The following ARMH4 variants were observed in gnomAD, a reference collection of about 807,000 sequenced individuals.
The protein encoded by ARMH4 is armadillo like helical domain containing 4, also known as armadillo-like helical domain-containing protein 4.
In ARMH4, 49 loss-of-function variants were observed where a neutral mutation model predicts 61.9. The ratio of observed to expected loss-of-function variants is 0.79; its 90% confidence interval spans 0.63 to 1.00. The LOEUF (loss-of-function observed/expected upper bound fraction) is 1.00, where lower values mean the gene tolerates loss of function less well. Ranked by LOEUF, ARMH4 falls within the 50% of genes least tolerant of loss-of-function variation. The pLI, the probability that ARMH4 is intolerant of heterozygous loss-of-function variation, is 0.00. For missense variants in ARMH4, 934 were observed against 930.0 expected, an observed-to-expected ratio of 1.00 and a Z score of -0.06; for synonymous variants, 368 against 341.5, an observed-to-expected ratio of 1.08 and a Z score of -0.85.
chr14:58,148,723 T>C (rs1271827659), intron 1 of ARMH4, among the ~76,000 whole-genome samples: 18 of 152,182 alleles, frequency 1.2e-4, no homozygotes, highest in Non-Finnish European at 1.5e-5. Context: ...GGTCTAACCA[T>C]GTCTACTTGT....
intron 5 of ARMH4, among the ~76,000 whole-genome samples, chr14:58,019,264 A>G (rs1030417311): frequency 1.3e-5 from 2 of 152,202 alleles, no homozygotes; most frequent in African/African-American, 4.8e-5. Context: ...TCTTACCACA[A>G]AAATGCTAAG....
In ARMH4 at chr14:58,133,124, G is replaced by C; in HGVS notation, c.1587C>G (p.Val529=). 6.2e-7 allele frequency: 1 copy of C among 1,614,196 alleles called. No individual in the cohort carries two copies. Among genetic ancestry groups the C allele is most frequent in the Non-Finnish European group, 8.5e-7 (1 of 1,180,048 alleles). Residue 529 remains valine, a synonymous_variant, in exon 3 of 8, where the codon GTC becomes GTG. Transcript: ENST00000267485. ...PLATTISTTV[V]PLSFEVTPTV... ...TGGGAGTAACTTCAAAAGACAAAGG[G>C]ACGACTGTAGTTGAAATTGTAGTGG...
intron 5 of ARMH4, among the ~76,000 whole-genome samples, chr14:58,047,875 AGCAT>A (rs1375236554): frequency 6.6e-6 from 1 of 152,170 alleles, no homozygotes; most frequent in Non-Finnish European, 1.5e-5. Flanking sequence ...CCACCAAATA[AGCAT>A]CCACCCAGAA....
intron 1 of ARMH4, among the ~76,000 whole-genome samples, chr14:58,143,072 T>C (rs1158732539): frequency 6.6e-6 from 1 of 152,210 alleles, no homozygotes; most frequent in Non-Finnish European, 1.5e-5. Context: ...TTGAAAGACT[T>C]TGTGCCATAA....
intron 4 of ARMH4, among the ~76,000 whole-genome samples, chr14:58,108,051 T>C (rs1886225549): frequency 6.8e-6 from 1 of 147,086 alleles, no homozygotes; most frequent in African/African-American, 2.7e-5. Flanking sequence ...TATTTCCAGA[T>C]TTTTTTTACC....
intron 5 of ARMH4, among the ~76,000 whole-genome samples, chr14:58,047,731 G>A (rs1346335206): frequency 2.0e-5 from 3 of 152,190 alleles, no homozygotes; most frequent in Non-Finnish European, 4.4e-5. Context: ...GTAAGAATCT[G>A]AGGCAATGAA....
intron 5 of ARMH4, among the ~76,000 whole-genome samples, chr14:58,047,309 GT>G (rs1216756464): frequency 6.6e-6 from 1 of 152,170 alleles, no homozygotes. Flanking sequence ...CACAGTAAAC[GT>G]TTGGATCCCC....
At chr14:58,120,284 C>A (rs1886682099) in intron 4 of ARMH4, among the ~76,000 whole-genome samples, 1 of 151,684 alleles carries the variant, frequency 6.6e-6, no homozygotes, top group African/African-American at 2.4e-5. Flanking sequence ...TGTTGTTGAC[C>A]AAAACTTCAT....
At position 58,133,096 on chromosome 14, in the gene ARMH4, CA is replaced by C. The variant is rs1566596354; in HGVS notation, c.1614del (p.Val539TrpfsTer23). The C allele has an allele frequency of 6.2e-7, 1 of 1,614,182 alleles. No individual in the cohort carries two copies. The highest frequency in any genetic ancestry group is 8.5e-7 in the Non-Finnish European group (1 of 1,180,034). The stretch of plus-strand genomic sequence containing the variant: ...AATATCCTCCCTTACAGACCTTCCA[CA>C]GTGGGAGTAACTTCAAAAGACAAAG... Reference protein sequence around the residue: ...VVPLSFEVTPTVEEQMDTVTG... With the variant: ...VVPLSFEVTPXVEEQMDTVTG... On this transcript the variant is annotated frameshift_variant, in exon 3 of 8. Coordinates refer to ENST00000267485, the MANE Select transcript of ARMH4 (RefSeq NM_001001872.4). LOFTEE classifies it high-confidence loss of function.
rs954720083 is a variant in ARMH4, at chr14:58,139,018, G to C, written c.341C>G (p.Pro114Arg). The C allele has an allele frequency of 6.2e-7, 1 of 1,614,110 alleles. No individual in the cohort carries two copies. Among genetic ancestry groups the C allele is most frequent in the Non-Finnish European group, 8.5e-7 (1 of 1,180,056 alleles). ...MQTERPGVSTPTESGVPSAEE... is the reference protein window; with the variant it reads ...MQTERPGVSTRTESGVPSAEE... ...AGCTGAGGGGACACCTGACTCAGTAGGTGTGGAAACACCAGGGCGTTCTGT... is the reference window on the plus strand; with the variant it reads ...AGCTGAGGGGACACCTGACTCAGTACGTGTGGAAACACCAGGGCGTTCTGT... The change falls in exon 2 of 8, where the codon CCT becomes CGT. Residue 114 changes from proline (P) to arginine (R), a missense_variant. Physicochemically the swap from Pro to Arg is moderately radical, Grantham distance 103 (BLOSUM62 -2). Coordinates refer to ENST00000267485, the MANE Select transcript of ARMH4 (RefSeq NM_001001872.4).
intron 5 of ARMH4, among the ~76,000 whole-genome samples, chr14:58,095,616 C>A (rs1048343771): frequency 1.3e-5 from 2 of 152,108 alleles, no homozygotes; most frequent in Admixed American, 6.5e-5. Flanking sequence ...GAAAGTAATT[C>A]AAGAAATCTT....
intron 5 of ARMH4, among the ~76,000 whole-genome samples, chr14:58,056,753 C>T (rs915700722): frequency 6.6e-6 from 1 of 152,180 alleles, no homozygotes; most frequent in Non-Finnish European, 1.5e-5. Flanking sequence ...TAAGGCAAAG[C>T]TTGCTAGTTG....
At chr14:58,042,430 T>A (rs1218176910) in intron 5 of ARMH4, among the ~76,000 whole-genome samples, 1 of 152,088 alleles carries the variant, frequency 6.6e-6, no homozygotes, top group African/African-American at 2.4e-5. Flanking sequence ...TACCAGAATC[T>A]CTGGGACACA....
At chr14:58,099,912 G>A (rs1301112922) in intron 4 of ARMH4, among the ~76,000 whole-genome samples, 1 of 152,186 alleles carries the variant, frequency 6.6e-6, no homozygotes, top group East Asian at 1.9e-4. Context: ...CTCCTCGTCT[G>A]TAAAACTGAT....
intron 6 of ARMH4, among the ~76,000 whole-genome samples, chr14:58,005,410 A>G (rs1594682442): frequency 6.6e-6 from 1 of 152,234 alleles, no homozygotes; most frequent in African/African-American, 2.4e-5. Context: ...TATTGAAATA[A>G]ATCAGCCAGA....
chr14:58,149,420 A>G (rs1431330828), intron 1 of ARMH4, among the ~76,000 whole-genome samples: 1 of 152,220 alleles, frequency 6.6e-6, no homozygotes, highest in Non-Finnish European at 1.5e-5. Context: ...AAAGAAAAGC[A>G]TGGTCCCCCA....
chr14:58,113,663 C>T (rs1943099471), intron 4 of ARMH4, among the ~76,000 whole-genome samples: 1 of 151,830 alleles, frequency 6.6e-6, no homozygotes, highest in African/African-American at 2.4e-5. Context: ...TTCACTCTAC[C>T]CTCCATAAAG....
At chr14:58,026,167 A>G (rs1056224656) in intron 5 of ARMH4, among the ~76,000 whole-genome samples, 2 of 152,124 alleles carry the variant, frequency 1.3e-5, no homozygotes, top group African/African-American at 2.4e-5. Context: ...GCTGTCATGA[A>G]CTTCAACCAT....
In ARMH4 at chr14:58,131,532, A is replaced by T; in HGVS notation, c.1811T>A (p.Leu604Gln). The T allele has an allele frequency of 6.2e-7, 1 of 1,614,110 alleles. No individual in the cohort carries two copies. ...AATACCTTCAGATTCAAGTTGGTCC[A>T]GGCCATATGAGGCAGCTGTATTAAC... ...TRVNTAASYG[L>Q]DQLESEEGQE... Residue 604 changes from leucine (L) to glutamine (Q), a missense_variant, in exon 4 of 8, where the codon CTG becomes CAG. Leu to Gln is a moderately radical substitution (Grantham distance 113, BLOSUM62 -2). Transcript: ENST00000267485.
Sources: gnomAD v4.1 joint callset for allele counts (sites outside exome capture counted in the v4.1 genomes callset) on GRCh38, gnomAD v4.1.1 for gene constraint, MANE v1.5 for transcripts, NCBI Gene and HGNC (gene_info 2026-07-23, HGNC 2026-07-21) for gene names.